CACNA1F: variants seen among roughly 807,000 people sequenced by gnomAD.
The protein encoded by CACNA1F is calcium voltage-gated channel subunit alpha1 F.
A neutral mutation model predicts 143.8 loss-of-function variants in CACNA1F; 59 were observed. The ratio of observed to expected loss-of-function variants is 0.41; its 90% CI spans 0.33 to 0.51. The LOEUF (loss-of-function observed/expected upper bound fraction) is 0.51. Ranked by LOEUF, CACNA1F falls within the 20% of genes least tolerant of loss-of-function variation. The pLI is 0.22. For missense variants in CACNA1F, 1,411 were observed against 1,647.5 expected (o/e 0.86, Z 2.48); for synonymous variants, 643 against 649.1 (o/e 0.99, Z 0.14).
Position 49,205,624 on chromosome X carries a change from C to A in CACNA1F, c.5662G>T (p.Val1888Leu). ...HGKRGSADSL[V>L]EAVLISEGLG... ...ATGCCCTCTGGACTCACAGCCTCCA[C>A]CAAGCTGTCGGCACTGCCCCTCTTC... Residue 1888 changes from valine (V) to leucine (L), a missense_variant, in exon 47 of 48, where the codon GTG (valine) becomes TTG (leucine). Around this residue, in one of 3 missense-constraint regions of CACNA1F, gnomAD observed 349 missense variants for 350.2 expected, o/e 1.00. Transcript: ENST00000323022. 2 of 1,203,160 alleles carry A rather than the reference C, an allele frequency of 1.7e-6. No homozygotes were observed. The highest frequency in any genetic ancestry group is 2.2e-6 in the Non-Finnish European group (2 of 890,678).
At chrX:49,206,010 C>T (rs1457128450) in intron 46 of CACNA1F, among the ~76,000 whole-genome samples, 197 bp from the exon 47 acceptor site, 4 of 111,895 alleles carry the variant, frequency 3.6e-5, no homozygotes, top group Admixed American at 9.5e-5. Flanking sequence ...TTACTAGCTG[C>T]ATGATCTGGG....
intron 22 of CACNA1F, 27 bp downstream of exon 22, chrX:49,218,855 G>T: frequency 8.6e-7 from 1 of 1,166,372 alleles, no homozygotes; most frequent in Non-Finnish European, 1.2e-6. Context: ...GGGCAACTGA[G>T]GGTAGGACTG....
intron 37 of CACNA1F, 110 bp downstream of exon 37, chrX:49,210,855 C>T (rs1195332839): frequency 1.2e-5 from 11 of 936,062 alleles, no homozygotes; most frequent in Non-Finnish European, 1.5e-5. Flanking sequence ...AACTTTGGGG[C>T]ATCTATTGAC....
chrX:49,222,796 T>C lies in CACNA1F; in HGVS notation c.2128A>G (p.Ile710Val), dbSNP rs782701503. 16 of 1,208,353 alleles carry C rather than the reference T, an allele frequency of 1.3e-5. No individual in the cohort carries two copies. In the Admixed American group the frequency reaches 2.0e-4, roughly 15 times the overall value. ...AAGAAGGGGCCACCATATGCCATGATACCATCATACATGACCACGTTCCAG... is the reference window on the plus strand; with the variant it reads ...AAGAAGGGGCCACCATATGCCATGACACCATCATACATGACCACGTTCCAG... ...EDWNVVMYDGIMAYGGPFFPG... is the reference protein window; with the variant it reads ...EDWNVVMYDGVMAYGGPFFPG... Residue 710 changes from isoleucine (I) to valine (V), a missense_variant, in exon 16 of 48, where the codon ATC becomes GTC. Coordinates refer to ENST00000323022, the MANE Select transcript of CACNA1F (RefSeq NM_001256789.3).
intron 27 of CACNA1F, 72 bp from the exon 28 acceptor site, chrX:49,215,615 C>T: frequency 1.4e-6 from 1 of 702,829 alleles, no homozygotes; most frequent in Non-Finnish European, 2.1e-6. Context: ...GACCTGCCCC[C>T]AGTCTACTTA....
At chrX:49,226,286 G>A in intron 11 of CACNA1F, 43 bp from the exon 12 acceptor site, 1 of 1,159,565 alleles carries the variant, frequency 8.6e-7, no homozygotes, top group African/African-American at 1.8e-5. Context: ...GTAAAGGGCA[G>A]AAGGGGTGTC....
chrX:49,227,844 T>C (rs1213679870), intron 8 of CACNA1F, among the ~76,000 whole-genome samples, 192 bp downstream of exon 8: 3 of 112,516 alleles, frequency 2.7e-5, no homozygotes, highest in African/African-American at 9.7e-5. Flanking sequence ...CCCATCAGAA[T>C]GTAAAACCAG....
Position 49,209,331 on chromosome X carries a change from T to C in CACNA1F, c.4884A>G (p.Thr1628=), listed in dbSNP as rs1557105658. ...CCTGCCCCTCTTCTTCCTCCTCCTC[T>C]GTGTCACAGGTGAGGGCCTGCCGCA... The part of the protein sequence containing the change: ...PEMRQALTCD[T]EEEEEEGQEG... Residue 1628 remains threonine (T), a synonymous_variant, in exon 42 of 48, where the codon ACA becomes ACG. Coordinates refer to ENST00000323022, the MANE Select transcript of CACNA1F (RefSeq NM_001256789.3). 8.3e-7 allele frequency: 1 copy of C among 1,207,050 alleles called. No individual in the cohort carries two copies. Among genetic ancestry groups the C allele is most frequent in the Non-Finnish European group, 1.1e-6 (1 of 891,780 alleles).
chrX:49,212,636 G>A lies in CACNA1F; in HGVS notation c.3942+31C>T, dbSNP rs782428032. On this transcript the variant is annotated intron_variant, in intron 33 of 47. Transcript: ENST00000323022. ...CTGAGAAGTGTGAAATGGGGGCGAG[G>A]TATGGTCAAAGGGATGGGGTAGGGG... 2.1e-5 allele frequency: 25 copies of A among 1,199,293 alleles called. No individual in the cohort carries two copies. In the South Asian group the frequency reaches 4.5e-4, roughly 21 times the overall value.
At position 49,217,878 on chromosome X, in the gene CACNA1F, C is replaced by T; in HGVS notation, c.3036+20G>A. 1 of 1,196,061 alleles carries T rather than the reference C, an allele frequency of 8.4e-7. No individual in the cohort carries two copies. Among genetic ancestry groups the T allele is most frequent in the Non-Finnish European group, 1.1e-6 (1 of 881,182 alleles). ...CCCGCCCAGACCCCTGCCTGGCATT[C>T]CCTCCAGTGTTTGCCCCACCTTGAA... On this transcript the variant is annotated intron_variant, in intron 25 of 47. Coordinates refer to ENST00000323022, the MANE Select transcript of CACNA1F (RefSeq NM_001256789.3).
In CACNA1F at chrX:49,231,890, G is replaced by T. The variant is rs782372812; in HGVS notation, c.63C>A (p.Gly21=). 3.8e-5 allele frequency: 45 copies of T among 1,178,506 alleles called. No homozygotes were observed. In the Admixed American group the frequency reaches 6.0e-4, roughly 16 times the overall value. ...TPEPSPANGA[G]PGPEWGLCPG... is the part of the protein sequence containing the mutation. ...GGCACAGCCCCCATTCGGGACCAGGGCCTGCCCCATTGGCTGGACTGGGCT... is the reference window on the plus strand; with the variant it reads ...GGCACAGCCCCCATTCGGGACCAGGTCCTGCCCCATTGGCTGGACTGGGCT... The change falls in exon 2 of 48, where the codon GGC becomes GGA. Residue 21 remains glycine (G), a synonymous_variant. Transcript: ENST00000323022.
chrX:49,205,460 G>A, intron 47 of CACNA1F, 93 bp from the exon 48 acceptor site: 2 of 830,114 alleles, frequency 2.4e-6, no homozygotes, highest in South Asian at 4.5e-5. Context: ...GGGCATGTAG[G>A]GAAGTCAGTG....
At chrX:49,217,635 C>A in intron 26 of CACNA1F, 120 bp downstream of exon 26, 1 of 642,119 alleles carries the variant, frequency 1.6e-6, no homozygotes, top group Non-Finnish European at 2.6e-6. Context: ...GATCTGAGGG[C>A]CTCTGCAGTT....
intron 37 of CACNA1F, 74 bp from the exon 38 acceptor site, chrX:49,210,760 T>C (rs1488808885): frequency 6.5e-6 from 6 of 928,279 alleles, no homozygotes; most frequent in African/African-American, 2.0e-5. Flanking sequence ...CACCAGCTCA[T>C]CACTACCTCC....
Position 49,209,993 on chromosome X carries a change from G to T in CACNA1F, c.4638C>A (p.Ile1546=), listed in dbSNP as rs1298492378. Residue 1546 remains isoleucine, a synonymous_variant, in exon 40 of 48, where the codon ATC becomes ATA. Coordinates refer to ENST00000323022, the MANE Select transcript of CACNA1F (RefSeq NM_001256789.3). ...NQELRIVIKK[I]WKRMKQKLLD... is the part of the protein sequence containing the mutation. ...GCAGCTTCTGTTTCATCCGCTTCCAGATCTTTTTGATGACAATCCGCAGCT... is the reference window on the plus strand; with the variant it reads ...GCAGCTTCTGTTTCATCCGCTTCCATATCTTTTTGATGACAATCCGCAGCT... 2.5e-6 allele frequency: 3 copies of T among 1,208,800 alleles called. No individual in the cohort carries two copies. Among genetic ancestry groups the T allele is most frequent in the Admixed American group, 4.4e-5 (2 of 45,800 alleles).
At position 49,230,226 on chromosome X, in the gene CACNA1F, C is replaced by T. The variant is rs185809548; in HGVS notation, c.811G>A (p.Gly271Arg). ...GRMHKTCYFL[G>R]SDMEAEEDPS... ...GAGGGGCGGGCAGACTAACCGGATCCCAGGAAGTAGCACGTCTTGTGCATT... is the reference window on the plus strand; with the variant it reads ...GAGGGGCGGGCAGACTAACCGGATCTCAGGAAGTAGCACGTCTTGTGCATT... The change falls in exon 6 of 48, where the codon GGA (glycine) becomes AGA (arginine). Residue 271 changes from glycine (G) to arginine (R), a missense_variant. Physicochemically the swap from Gly to Arg is moderately radical, Grantham distance 125. Around this residue, in one of 3 missense-constraint regions of CACNA1F, gnomAD observed 950 missense variants for 1,128.1 expected, o/e 0.84. Transcript: ENST00000323022. 780 of 1,201,132 alleles carry T rather than the reference C, an allele frequency of 6.5e-4. No individual in the cohort carries two copies. The highest frequency in any genetic ancestry group is 8.6e-4 in the Admixed American group (39 of 45,101).
rs1425788425 is a variant in CACNA1F, at chrX:49,228,543, C to T, written c.818-96G>A. The T allele has an allele frequency of 1.4e-5, 9 of 641,837 alleles. No homozygotes were observed. In the Admixed American group the frequency reaches 2.2e-4, roughly 16 times the overall value. The allele number at this position is 641,837 out of a possible 1,213,427, so 52.9% of individuals were successfully genotyped here. A position where few individuals can be genotyped will look rare whatever the true frequency, so the allele number is the denominator to read the frequency against. ...CCACTTAGGAAGCTCGACTTGGGTC[C>T]TAGATTTTTCTCTTTCTCTCTTTCT... On this transcript the variant is annotated intron_variant, in intron 6 of 47. Coordinates refer to ENST00000323022, the MANE Select transcript of CACNA1F (RefSeq NM_001256789.3).
rs1225585290 is a variant in CACNA1F, at chrX:49,231,751, A to T, written c.202T>A (p.Ser68Thr). 2.5e-6 allele frequency: 3 copies of T among 1,208,666 alleles called. No homozygotes were observed. In the African/African-American group the frequency reaches 5.2e-5, roughly 21 times the overall value. Residue 68 changes from serine (S) to threonine (T), a missense_variant, in exon 2 of 48, where the codon TCA becomes ACA. By Grantham distance (58) the Ser-to-Thr change is moderately conservative. Transcript: ENST00000323022. ...GTGAGGCAGAAGAGTGCCCGAGGTG[A>T]CCGCTGGGCACTGGCCACTGCCACT... ...KTVAVASAQR[S>T]PRALFCLTLA...
chrX:49,228,207 A>G (rs1431324206), intron 7 of CACNA1F, 44 bp downstream of exon 7: 2 of 1,190,682 alleles, frequency 1.7e-6, no homozygotes, highest in African/African-American at 3.5e-5. Context: ...CAGGGAGGAA[A>G]GGCAGGTGCA....
Sources: gnomAD v4.1 joint callset for allele counts (sites outside exome capture counted in the v4.1 genomes callset) on GRCh38, gnomAD v4.1.1 for gene constraint, gnomAD v4.1.1 regional missense constraint, MANE v1.5 for transcripts, NCBI Gene and HGNC (gene_info 2026-07-23, HGNC 2026-07-21) for gene names.